RANBP17: variants seen among roughly 807,000 people sequenced by gnomAD.
The protein encoded by RANBP17 is RAN binding protein 17.
In RANBP17, 158 loss-of-function variants were observed where a neutral mutation model predicts 141.2. The ratio of observed to expected loss-of-function variants is 1.12; its 90% CI spans 0.98 to 1.28. The LOEUF (loss-of-function observed/expected upper bound fraction) is 1.28, where lower values mean the gene tolerates loss of function less well. RANBP17 is among the 50% of genes most tolerant of loss of function. The probability of loss-of-function intolerance (pLI) is 0.00; values close to 1 mark genes in which losing one functional copy is unlikely to be tolerated. For missense variants in RANBP17, 1,438 were observed against 1,290.7 expected, an observed-to-expected ratio of 1.11 and a Z score of -1.75; for synonymous variants, 430 against 450.0, an observed-to-expected ratio of 0.96 and a Z score of 0.56.
chr5:171,149,425 C>G (rs17073369), intron 14 of RANBP17, among the ~76,000 whole-genome samples: 1 of 152,130 alleles, frequency 6.6e-6, no homozygotes, highest in Admixed American at 6.5e-5. Context: ...TTTCACTTAC[C>G]GTATTTCACT....
intron 14 of RANBP17, among the ~76,000 whole-genome samples, chr5:171,088,279 G>A (rs1785858937): frequency 6.6e-6 from 1 of 152,116 alleles, no homozygotes; most frequent in Admixed American, 6.6e-5. Flanking sequence ...CTTTAAGAAT[G>A]TTGAATATTG....
At chr5:170,999,853 T>G (rs1184674607) in intron 14 of RANBP17, among the ~76,000 whole-genome samples, 1 of 152,138 alleles carries the variant, frequency 6.6e-6, no homozygotes, top group Non-Finnish European at 1.5e-5. Context: ...TCTCCAGAAG[T>G]CTTTTCATCT....
At position 170,918,803 on chromosome 5, in the gene RANBP17, A is replaced by C; in HGVS notation, c.1045A>C (p.Lys349Gln). 2 of 1,606,054 alleles carry C rather than the reference A, an allele frequency of 1.2e-6. No homozygotes were observed. Among genetic ancestry groups the C allele is most frequent in the Non-Finnish European group, 8.5e-7 (1 of 1,174,850 alleles). ...TCAGCTGGGAGAATTAGTTATGGTGAAGGAATATCCTGAAGTTATTAGATT... is the reference window on the plus strand; with the variant it reads ...TCAGCTGGGAGAATTAGTTATGGTGCAGGAATATCCTGAAGTTATTAGATT... The part of the protein sequence containing the change: ...NYQLGELVMV[K>Q]EYPEVIRLIA... The change falls in exon 10 of 28, where the codon AAG becomes CAG. Residue 349 changes from lysine (K) to glutamine (Q), a missense_variant. Physicochemically the swap from Lys to Gln is moderately conservative, Grantham distance 53. Coordinates refer to ENST00000523189, the MANE Select transcript of RANBP17 (RefSeq NM_022897.5).
chr5:171,005,008 AT>A (rs1435132051), intron 14 of RANBP17, among the ~76,000 whole-genome samples: 1 of 151,948 alleles, frequency 6.6e-6, no homozygotes, highest in Non-Finnish European at 1.5e-5. Flanking sequence ...CCCCCTCTCT[AT>A]TATTGTGTAC....
intron 14 of RANBP17, among the ~76,000 whole-genome samples, chr5:171,086,105 A>G (rs1156371767): frequency 1.4e-5 from 2 of 138,538 alleles, no homozygotes; most frequent in African/African-American, 5.5e-5. Context: ...TGGGTTTGTC[A>G]TAGATAGCTC....
chr5:171,268,733 T>C (rs983457147), intron 25 of RANBP17, among the ~76,000 whole-genome samples: 7 of 152,178 alleles, frequency 4.6e-5, no homozygotes, highest in Non-Finnish European at 1.0e-4. Context: ...GGGACAAGTC[T>C]GCCACCAAAT....
intron 12 of RANBP17, among the ~76,000 whole-genome samples, chr5:170,951,134 A>G (rs1775176918): frequency 6.6e-6 from 1 of 152,042 alleles, no homozygotes; most frequent in South Asian, 2.1e-4. Context: ...ATACAGTTAG[A>G]TAAAAGGTAT....
intron 14 of RANBP17, among the ~76,000 whole-genome samples, chr5:171,128,785 A>G (rs1326487314): frequency 1.3e-5 from 2 of 150,990 alleles, no homozygotes; most frequent in Admixed American, 6.7e-5. Flanking sequence ...AATATATACA[A>G]TGATTATTTA....
intron 5 of RANBP17, among the ~76,000 whole-genome samples, chr5:170,904,701 TGA>T (rs1441949643): frequency 2.0e-5 from 3 of 152,142 alleles, no homozygotes; most frequent in Non-Finnish European, 4.4e-5. Flanking sequence ...TTTCTAAAAT[TGA>T]GAGAATGGAG....
At chr5:170,931,094 A>T (rs1176033880) in intron 12 of RANBP17, among the ~76,000 whole-genome samples, 4 of 152,122 alleles carry the variant, frequency 2.6e-5, no homozygotes, top group Non-Finnish European at 4.4e-5. Context: ...CTTCTTAATG[A>T]TTGCCATTCT....
At chr5:170,897,073 G>A in intron 5 of RANBP17, 1 of 839,226 alleles carries the variant, frequency 1.2e-6, no homozygotes, top group Non-Finnish European at 2.0e-6. Flanking sequence ...TAGAAATGTG[G>A]ATACCAGCTG....
At chr5:171,154,679 G>A (rs1038901409) in intron 14 of RANBP17, among the ~76,000 whole-genome samples, 1 of 152,160 alleles carries the variant, frequency 6.6e-6, no homozygotes, top group African/African-American at 2.4e-5. Flanking sequence ...TTCCCTAGCA[G>A]CTAAGAAACA....
intron 14 of RANBP17, among the ~76,000 whole-genome samples, chr5:171,168,470 G>A (rs1416792229): frequency 2.0e-5 from 3 of 152,102 alleles, no homozygotes; most frequent in African/African-American, 4.8e-5. Context: ...TAATCATGTC[G>A]ATGCTAGGTT....
chr5:170,991,470 A>T (rs1778505454), intron 14 of RANBP17, among the ~76,000 whole-genome samples: 1 of 152,104 alleles, frequency 6.6e-6, no homozygotes, highest in East Asian at 1.9e-4. Context: ...TAGAGGCTAT[A>T]TATTCTAGAA....
At chr5:171,275,450 A>C (rs1220801877) in intron 25 of RANBP17, among the ~76,000 whole-genome samples, 2 of 152,190 alleles carry the variant, frequency 1.3e-5, no homozygotes, top group Non-Finnish European at 2.9e-5. Context: ...CTTCCTGTAC[A>C]TAATTAAGAG....
intron 14 of RANBP17, among the ~76,000 whole-genome samples, chr5:171,046,200 TCTGC>T (rs1782573555): frequency 6.6e-6 from 1 of 151,296 alleles, no homozygotes; most frequent in Non-Finnish European, 1.5e-5. Context: ...TGCCTATAGT[TCTGC>T]CTTTTTTTTT....
At chr5:171,180,777 T>C (rs1581803667) in intron 16 of RANBP17, among the ~76,000 whole-genome samples, 2 of 152,324 alleles carry the variant, frequency 1.3e-5, no homozygotes, top group East Asian at 3.9e-4. Flanking sequence ...TAAAAGGCAG[T>C]GAGGCTGGCC....
chr5:171,102,150 T>A (rs1787212565), intron 14 of RANBP17, among the ~76,000 whole-genome samples: 1 of 152,204 alleles, frequency 6.6e-6, no homozygotes, highest in Non-Finnish European at 1.5e-5. Context: ...TCTTGCTAGG[T>A]TGGGGAAGTT....
intron 14 of RANBP17, among the ~76,000 whole-genome samples, chr5:171,008,278 G>A (rs925916223): frequency 6.6e-6 from 1 of 152,214 alleles, no homozygotes; most frequent in Non-Finnish European, 1.5e-5. Flanking sequence ...CCGCTTACTC[G>A]AAATTGGTGA....
Sources: gnomAD v4.1 joint callset for allele counts (sites outside exome capture counted in the v4.1 genomes callset) on GRCh38, gnomAD v4.1.1 for gene constraint, MANE v1.5 for transcripts, NCBI Gene and HGNC (gene_info 2026-07-23, HGNC 2026-07-21) for gene names.